Variants in CHRDL1 observed in about 807,000 individuals in gnomAD.
CHRDL1 encodes chordin-like protein 1.
A neutral mutation model predicts 40.9 loss-of-function variants in CHRDL1; 19 were observed. The observed-to-expected ratio is 0.46, with a 90% CI of 0.32 to 0.68. The LOEUF (loss-of-function observed/expected upper bound fraction) is 0.68, where lower values mean the gene tolerates loss of function less well. Ranked by LOEUF, CHRDL1 falls within the 30% of genes least tolerant of loss-of-function variation. The pLI is 0.03. For synonymous variants in CHRDL1, 136 were observed against 123.4 expected, an observed-to-expected ratio of 1.10 and a Z score of -0.68; for missense variants, 329 against 352.1, an observed-to-expected ratio of 0.93 and a Z score of 0.53.
intron 4 of CHRDL1, among the ~76,000 whole-genome samples, chrX:110,722,074 T>C (rs1237602610): frequency 9.0e-6 from 1 of 111,685 alleles, no homozygotes; most frequent in Admixed American, 9.4e-5. Context: ...CTCTGCTCAC[T>C]GCAACCTCTG....
intron 4 of CHRDL1, among the ~76,000 whole-genome samples, chrX:110,759,126 G>A (rs2089512862): frequency 8.9e-6 from 1 of 112,178 alleles, no homozygotes; most frequent in Admixed American, 9.4e-5. Context: ...CTGCCTGGCT[G>A]CCCCTTAGAA....
In CHRDL1 at chrX:110,674,714, A is replaced by C. The variant is rs1283290828; in HGVS notation, c.*1517T>G. 1 of 112,273 alleles carries C rather than the reference A, an allele frequency of 8.9e-6. No homozygotes were observed. The highest frequency in any genetic ancestry group is 2.8e-4 in the East Asian group (1 of 3,555). The allele number at this position is 112,273 out of a possible 1,213,427, so 9.3% of individuals were successfully genotyped here. A position where few individuals can be genotyped will look rare whatever the true frequency, so the allele number is the denominator to read the frequency against. On this transcript the variant is annotated 3_prime_UTR_variant, in exon 12 of 12. Coordinates refer to ENST00000372042, the MANE Select transcript of CHRDL1 (RefSeq NM_001143981.2). ...CCTATTGGTATCAAACCCTCTTAGG[A>C]AAGAATTCTCTCACCTATAGTCATG...
At chrX:110,714,500 G>T (rs1468053384) in intron 6 of CHRDL1, among the ~76,000 whole-genome samples, 2 of 111,590 alleles carry the variant, frequency 1.8e-5, no homozygotes, top group East Asian at 2.8e-4. Context: ...GATCTGAAGA[G>T]ATTTTTTCTT....
At chrX:110,722,616 T>C (rs1721017442) in intron 4 of CHRDL1, among the ~76,000 whole-genome samples, 1 of 112,545 alleles carries the variant, frequency 8.9e-6, no homozygotes, top group Non-Finnish European at 1.9e-5. Flanking sequence ...ACATATATTA[T>C]TACAATGGAG....
At chrX:110,747,409 A>AACAC (rs113917102) in intron 4 of CHRDL1, among the ~76,000 whole-genome samples, 3,702 of 91,162 alleles carry the variant, frequency 0.041, 71 homozygotes, top group Non-Finnish European at 0.051. Context: ...ATCAAAACAA[A>AACAC]ACACACACAC....
chrX:110,776,848 T>C (rs189270106), intron 2 of CHRDL1, among the ~76,000 whole-genome samples: 148 of 110,638 alleles, frequency 1.3e-3, no homozygotes, highest in African/African-American at 4.7e-3. Context: ...GACACATCAT[T>C]ATCACTCAAA....
intron 4 of CHRDL1, among the ~76,000 whole-genome samples, chrX:110,753,268 T>C (rs940694396): frequency 8.9e-6 from 1 of 111,968 alleles, no homozygotes; most frequent in Non-Finnish European, 1.9e-5. Context: ...TGGGTGAACC[T>C]TGAAAACACT....
intron 6 of CHRDL1, among the ~76,000 whole-genome samples, chrX:110,713,905 A>G (rs1413564166): frequency 9.0e-6 from 1 of 111,473 alleles, no homozygotes; most frequent in Non-Finnish European, 1.9e-5. Flanking sequence ...GTCCAAGTAC[A>G]TAGCCTTCCC....
chrX:110,681,452 A>C (rs1176884786), intron 10 of CHRDL1, 30 bp downstream of exon 10: 1 of 1,172,930 alleles, frequency 8.5e-7, no homozygotes, highest in Non-Finnish European at 1.2e-6. Flanking sequence ...CCCCCTTACA[A>C]AGATGAGAAA....
intron 2 of CHRDL1, among the ~76,000 whole-genome samples, chrX:110,767,891 T>C (rs943932850): frequency 2.7e-5 from 3 of 111,383 alleles, no homozygotes; most frequent in African/African-American, 6.5e-5. Flanking sequence ...CTAAAATTCA[T>C]ATGGAACCAA....
chrX:110,756,949 T>C (rs1422378292), intron 4 of CHRDL1, among the ~76,000 whole-genome samples: 1 of 111,991 alleles, frequency 8.9e-6, no homozygotes, highest in Non-Finnish European at 1.9e-5. Flanking sequence ...ATTAGCATCA[T>C]GTAGATGTCT....
At chrX:110,788,719 A>G (rs1271856262) in intron 2 of CHRDL1, among the ~76,000 whole-genome samples, 1 of 112,312 alleles carries the variant, frequency 8.9e-6, no homozygotes, top group African/African-American at 3.2e-5. Context: ...TACTTTAAAA[A>G]GAGCTTTTCT....
intron 4 of CHRDL1, among the ~76,000 whole-genome samples, chrX:110,728,434 T>G (rs1044666594): frequency 1.3e-4 from 15 of 111,230 alleles, no homozygotes; most frequent in African/African-American, 4.6e-4. Flanking sequence ...ACATTTTGGG[T>G]CCATTCCAAC....
chrX:110,686,838 C>T, intron 9 of CHRDL1, among the ~76,000 whole-genome samples: 1 of 99,326 alleles, frequency 1.0e-5, no homozygotes, highest in South Asian at 4.5e-4. Flanking sequence ...GAGCCGAGAT[C>T]ATGCCACTGC....
chrX:110,789,560 GC>G (rs1379471688), intron 2 of CHRDL1, among the ~76,000 whole-genome samples: 1 of 112,335 alleles, frequency 8.9e-6, no homozygotes, highest in Non-Finnish European at 1.9e-5. Context: ...TGCAAACCAT[GC>G]AAGCATTAGA....
chrX:110,721,537 C>T lies in CHRDL1; in HGVS notation c.302-7G>A. 1 of 1,202,428 alleles carries T rather than the reference C, an allele frequency of 8.3e-7. No homozygotes were observed. ...ACTGGGGGTAAGGAGTCTTCTAGAA[C>T]AGGGTGGAGAAAAACCACACTGAGT... On this transcript the variant is annotated splice_region_variant and splice_polypyrimidine_tract_variant and intron_variant, in intron 4 of 11. Transcript: ENST00000372042.
intron 2 of CHRDL1, among the ~76,000 whole-genome samples, chrX:110,763,915 G>A (rs1274096879): frequency 9.0e-6 from 1 of 111,718 alleles, no homozygotes. Context: ...GAAGGAGTAT[G>A]GTGGTATTGC....
chrX:110,771,592 T>C (rs1246578514), intron 2 of CHRDL1, among the ~76,000 whole-genome samples: 1 of 112,397 alleles, frequency 8.9e-6, no homozygotes, highest in Non-Finnish European at 1.9e-5. Context: ...CATGTAATCA[T>C]TGCCACAGAT....
rs367684159 is a variant in CHRDL1, at chrX:110,754,590, C to A, written c.301+5071G>T. On this transcript the variant is annotated intron_variant, in intron 4 of 11. Coordinates refer to ENST00000372042, the MANE Select transcript of CHRDL1 (RefSeq NM_001143981.2). ...TACTATAGTGCAACACTGGTAAGGT[C>A]TTTTCCCTAACCTACCTTGAATATC... 7.1e-5 allele frequency among the ~76,000 whole-genome samples: 8 copies of A among 112,079 alleles called. No homozygotes were observed. In the East Asian group the frequency reaches 2.0e-3, roughly 28 times the overall value.
Sources: gnomAD v4.1 joint callset for allele counts (sites outside exome capture counted in the v4.1 genomes callset) on GRCh38, gnomAD v4.1.1 for gene constraint, MANE v1.5 for transcripts, NCBI Gene and HGNC (gene_info 2026-07-23, HGNC 2026-07-21) for gene names.